The following PTPRT variants were observed in gnomAD, a reference collection of about 807,000 sequenced individuals.
The protein encoded by PTPRT is receptor-type tyrosine-protein phosphatase T.
A neutral mutation model predicts 176.8 loss-of-function variants in PTPRT; 56 were observed. That is an observed-to-expected ratio of 0.32 (90% CI 0.26 to 0.40). The LOEUF is 0.40. PTPRT is among the 10% of genes least tolerant of loss of function. PTPRT has a pLI of 1.00. For missense variants in PTPRT, 1,540 were observed against 1,908.2 expected, an observed-to-expected ratio of 0.81 and a Z score of 3.60; for synonymous variants, 783 against 739.0, an observed-to-expected ratio of 1.06 and a Z score of -0.96.
chr20:42,228,374 C>T (rs943509298), intron 15 of PTPRT, among the ~76,000 whole-genome samples: 16 of 152,178 alleles, frequency 1.1e-4, no homozygotes, highest in Admixed American at 4.6e-4. Flanking sequence ...GTGACTGATG[C>T]GTTTAGACGC....
intron 7 of PTPRT, among the ~76,000 whole-genome samples, chr20:42,517,366 T>C (rs979150366): frequency 4.6e-5 from 7 of 152,032 alleles, no homozygotes; most frequent in Admixed American, 3.9e-4. Context: ...TTTTTTCACA[T>C]ATAATATGGC....
At chr20:42,221,250 C>T (rs562208661) in intron 15 of PTPRT, among the ~76,000 whole-genome samples, 56 of 152,198 alleles carry the variant, frequency 3.7e-4, no homozygotes, top group African/African-American at 1.1e-3. Flanking sequence ...GTGATCCATC[C>T]GCCTTGGCCT....
At chr20:43,039,989 C>T (rs959099279) in intron 1 of PTPRT, among the ~76,000 whole-genome samples, 4 of 151,620 alleles carry the variant, frequency 2.6e-5, no homozygotes, top group African/African-American at 7.3e-5. Flanking sequence ...TGCAATGAGC[C>T]GAGATAGTAC....
intron 11 of PTPRT, among the ~76,000 whole-genome samples, chr20:42,327,114 T>C (rs939053810): frequency 6.0e-4 from 89 of 147,346 alleles, no homozygotes; most frequent in African/African-American, 2.2e-3. Flanking sequence ...TGTGTGTGTA[T>C]GACAGAGAGA....
intron 12 of PTPRT, among the ~76,000 whole-genome samples, chr20:42,296,491 C>T (rs1006011035): frequency 2.7e-5 from 4 of 148,952 alleles, no homozygotes; most frequent in African/African-American, 9.9e-5. Context: ...ACAAAGGTAA[C>T]TACTAGAACA....
chr20:42,931,916 G>A (rs944842224), intron 1 of PTPRT, among the ~76,000 whole-genome samples: 5 of 152,172 alleles, frequency 3.3e-5, no homozygotes, highest in Non-Finnish European at 4.4e-5. Context: ...TTTCAGCTAC[G>A]TGGCACTAAA....
intron 5 of PTPRT, among the ~76,000 whole-genome samples, chr20:42,763,757 CA>C (rs1225545027): frequency 6.6e-6 from 1 of 152,156 alleles, no homozygotes; most frequent in Non-Finnish European, 1.5e-5. Flanking sequence ...TATTAAAAGT[CA>C]GAAGAAATAG....
Position 43,036,327 on chromosome 20 carries a change from G to A in PTPRT, c.89-150395C>T, listed in dbSNP as rs138655313. On this transcript the variant is annotated intron_variant, in intron 1 of 30. Coordinates refer to ENST00000373187, the MANE Select transcript of PTPRT (RefSeq NM_007050.6). ...GCATACTACAACTTTGAACTCCTGGGCAGAAGTGATCCTCTTGCTGCAGAC... is the reference window on the plus strand; with the variant it reads ...GCATACTACAACTTTGAACTCCTGGACAGAAGTGATCCTCTTGCTGCAGAC... Among the ~76,000 whole-genome samples, 316 of 152,244 alleles carry A rather than the reference G, an allele frequency of 2.1e-3. 1 individual carries two copies. Among genetic ancestry groups the A allele is most frequent in the South Asian group, 3.5e-3 (17 of 4,826 alleles).
intron 1 of PTPRT, among the ~76,000 whole-genome samples, chr20:43,078,457 T>A (rs2011341108): frequency 6.6e-6 from 1 of 152,172 alleles, no homozygotes; most frequent in Non-Finnish European, 1.5e-5. Context: ...CTCTCATCCC[T>A]TGCACCCAGA....
chr20:42,666,975 G>A lies in PTPRT; in HGVS notation c.1153+10891C>T, dbSNP rs540412777. 2.0e-4 allele frequency among the ~76,000 whole-genome samples: 30 copies of A among 152,226 alleles called. No homozygotes were observed. In the South Asian group the frequency reaches 2.1e-3, roughly 11 times the overall value. ...AACGTTTTCTTCTGGAAATAAGAAG[G>A]TGCCTTTCCATTTCTAGCTTACTAA... On this transcript the variant is annotated intron_variant, in intron 7 of 30. Transcript: ENST00000373187.
chr20:42,948,491 T>G (rs1466060781), intron 1 of PTPRT, among the ~76,000 whole-genome samples: 1 of 152,122 alleles, frequency 6.6e-6, no homozygotes, highest in African/African-American at 2.4e-5. Context: ...AATGTAAGTG[T>G]GGCCCAGGAT....
At chr20:42,611,034 G>T (rs1276251780) in intron 7 of PTPRT, among the ~76,000 whole-genome samples, 1 of 152,190 alleles carries the variant, frequency 6.6e-6, no homozygotes, top group Non-Finnish European at 1.5e-5. Context: ...AGTGTTCACT[G>T]TATGGATATG....
chr20:43,032,473 T>TAAAAAAAA (rs375146456), intron 1 of PTPRT, among the ~76,000 whole-genome samples: 1 of 121,654 alleles, frequency 8.2e-6, no homozygotes, highest in African/African-American at 3.0e-5. Flanking sequence ...ATCTTTTCAT[T>TAAAAAAAA]AAAAAAAAAA....
intron 6 of PTPRT, among the ~76,000 whole-genome samples, chr20:42,689,117 A>T (rs183994737): frequency 6.6e-6 from 1 of 152,350 alleles, no homozygotes; most frequent in East Asian, 1.9e-4. Context: ...GAGCTAAGTC[A>T]GCACAGACAT....
intron 1 of PTPRT, among the ~76,000 whole-genome samples, chr20:43,092,489 G>A (rs534444754): frequency 6.6e-6 from 1 of 152,180 alleles, no homozygotes; most frequent in Non-Finnish European, 1.5e-5. Flanking sequence ...ACTGTGTTAA[G>A]GAGAGACACA....
chr20:42,611,276 CACA>C (rs567080567), intron 7 of PTPRT, among the ~76,000 whole-genome samples: 11 of 152,348 alleles, frequency 7.2e-5, no homozygotes, highest in Middle Eastern at 3.4e-3. Context: ...ATGTTACACT[CACA>C]ACAACAGTGT....
At chr20:43,021,662 TACAG>T (rs958286707) in intron 1 of PTPRT, among the ~76,000 whole-genome samples, 2 of 152,108 alleles carry the variant, frequency 1.3e-5, no homozygotes, top group African/African-American at 2.4e-5. Flanking sequence ...ACAGAAGAGA[TACAG>T]ACAGTTAAGG....
intron 5 of PTPRT, among the ~76,000 whole-genome samples, chr20:42,758,524 A>T (rs758276901): frequency 1.3e-5 from 2 of 152,098 alleles, no homozygotes; most frequent in Non-Finnish European, 2.9e-5. Flanking sequence ...CTACAGGGAG[A>T]TTGTAGGTAA....
chr20:42,487,681 A>G (rs988726416), intron 7 of PTPRT, among the ~76,000 whole-genome samples: 1 of 152,160 alleles, frequency 6.6e-6, no homozygotes, highest in Non-Finnish European at 1.5e-5. Context: ...TAGAAGCTGG[A>G]AAAGGCAAGA....
Sources: gnomAD v4.1 joint callset for allele counts (sites outside exome capture counted in the v4.1 genomes callset) on GRCh38, gnomAD v4.1.1 for gene constraint, MANE v1.5 for transcripts, NCBI Gene and HGNC (gene_info 2026-07-23, HGNC 2026-07-21) for gene names.